The following TMEM131L variants were observed in gnomAD, a reference collection of about 807,000 sequenced individuals.
TMEM131L encodes the protein transmembrane protein 131-like.
A neutral mutation model predicts 192.2 loss-of-function variants in TMEM131L; 54 were observed. The observed-to-expected ratio is 0.28, with a 90% CI of 0.23 to 0.35. TMEM131L has a LOEUF of 0.35. Ranked by LOEUF, TMEM131L falls within the 10% of genes least tolerant of loss-of-function variation. The pLI, the probability that TMEM131L is intolerant of heterozygous loss-of-function variation, is 1.00. For synonymous variants in TMEM131L, 701 were observed against 704.9 expected (o/e 0.99, Z 0.09); for missense variants, 1,888 against 1,972.9 (o/e 0.96, Z 0.82).
chr4:153,586,616 T>C (rs764412366), intron 14 of TMEM131L, among the ~76,000 whole-genome samples: 1 of 152,210 alleles, frequency 6.6e-6, no homozygotes, highest in South Asian at 2.1e-4. Context: ...AAATAAGGCA[T>C]GACCAATAGA....
At chr4:153,586,407 T>TAAC (rs747125172) in intron 14 of TMEM131L, 28 bp downstream of exon 14, 1 of 1,508,446 alleles carries the variant, frequency 6.6e-7, no homozygotes, top group South Asian at 1.3e-5. Flanking sequence ...ATATGTGTGT[T>TAAC]ACAGTTTTCT....
rs1054941206 is a variant in TMEM131L at position 153,506,564 on chromosome 4, C to T, written c.239+32676C>T. The stretch of plus-strand genomic sequence containing the variant: ...AATGACTGATACTAAGTATTTACGC[C>T]GGGTGCGGTGGCTCATGCCTGTAAT... On this transcript the variant is annotated intron_variant, in intron 3 of 34. Coordinates refer to ENST00000409959, the MANE Select transcript of TMEM131L (RefSeq NM_001131007.2). Among the ~76,000 whole-genome samples the T allele has an allele frequency of 8.5e-5, 13 of 152,052 alleles. 1 individual carries two copies. Among genetic ancestry groups the T allele is most frequent in the South Asian group, 4.2e-4 (2 of 4,818 alleles).
At chr4:153,575,831 G>A (rs1021600707) in intron 7 of TMEM131L, among the ~76,000 whole-genome samples, 2 of 152,188 alleles carry the variant, frequency 1.3e-5, no homozygotes, top group Non-Finnish European at 2.9e-5. Context: ...GGATGAGGGC[G>A]TGTCCTGTTG....
At chr4:153,527,168 A>G (rs1259920988) in intron 3 of TMEM131L, among the ~76,000 whole-genome samples, 1 of 152,170 alleles carries the variant, frequency 6.6e-6, no homozygotes, top group Admixed American at 6.5e-5. Flanking sequence ...TTATTCTAGC[A>G]GGTACTTGTG....
intron 9 of TMEM131L, among the ~76,000 whole-genome samples, chr4:153,582,791 T>C (rs1730450714): frequency 6.6e-6 from 1 of 152,126 alleles, no homozygotes; most frequent in Non-Finnish European, 1.5e-5. Flanking sequence ...TCTCAGGATT[T>C]TCTTCTTTCC....
intron 7 of TMEM131L, among the ~76,000 whole-genome samples, chr4:153,561,975 A>C (rs1036652609): frequency 6.6e-6 from 1 of 150,910 alleles, no homozygotes; most frequent in African/African-American, 2.4e-5. Context: ...AAAAAAAAAA[A>C]CCTCTTAAAA....
At chr4:153,634,519 C>A (rs1249687613) in intron 33 of TMEM131L, among the ~76,000 whole-genome samples, 1 of 152,160 alleles carries the variant, frequency 6.6e-6, no homozygotes, top group African/African-American at 2.4e-5. Context: ...TAACCCTAAT[C>A]CATTTAGTCC....
At chr4:153,483,652 C>T (rs1732101993) in intron 3 of TMEM131L, among the ~76,000 whole-genome samples, 1 of 152,142 alleles carries the variant, frequency 6.6e-6, no homozygotes, top group Non-Finnish European at 1.5e-5. Flanking sequence ...GTGATTTTGC[C>T]ACTGTACTCC....
intron 3 of TMEM131L, among the ~76,000 whole-genome samples, chr4:153,495,036 C>G (rs561232394): frequency 1.3e-5 from 2 of 152,162 alleles, no homozygotes; most frequent in Non-Finnish European, 2.9e-5. Flanking sequence ...GGTTTTATGG[C>G]CAGGCATGGT....
chr4:153,545,423 G>A (rs1038596477), intron 3 of TMEM131L, among the ~76,000 whole-genome samples: 6 of 151,858 alleles, frequency 4.0e-5, no homozygotes, highest in Non-Finnish European at 7.4e-5. Flanking sequence ...GAGTAGCTGG[G>A]ACTACAGGCG....
intron 14 of TMEM131L, among the ~76,000 whole-genome samples, chr4:153,587,533 G>A (rs1730778000): frequency 6.6e-6 from 1 of 152,084 alleles, no homozygotes; most frequent in African/African-American, 2.4e-5. Flanking sequence ...TGATTATTGT[G>A]CCTGCAGAAG....
intron 25 of TMEM131L, among the ~76,000 whole-genome samples, chr4:153,605,284 C>G (rs1413206256): frequency 6.6e-6 from 1 of 152,218 alleles, no homozygotes; most frequent in African/African-American, 2.4e-5. Context: ...TGGCCTCTAG[C>G]ATAAGGGCCT....
rs184010347 is a variant in TMEM131L at position 153,495,500 on chromosome 4, G to A, written c.239+21612G>A. Among the ~76,000 whole-genome samples, 82 of 152,278 alleles carry A rather than the reference G, an allele frequency of 5.4e-4. 1 individual carries two copies. The highest frequency in any genetic ancestry group is 5.4e-3 in the Admixed American group (82 of 15,298). On this transcript the variant is annotated intron_variant, in intron 3 of 34. Transcript: ENST00000409959. ...GAGGGCAGGGGCTTCCAGGTCATAG[G>A]TGGGTAAGAGAGAAAAGGTTGCATT...
At chr4:153,566,170 C>T (rs1268450676) in intron 7 of TMEM131L, among the ~76,000 whole-genome samples, 5 of 151,030 alleles carry the variant, frequency 3.3e-5, no homozygotes, top group African/African-American at 7.3e-5. Flanking sequence ...GAGTCTCACT[C>T]TGTCGCCCAG....
chr4:153,605,456 C>T (rs1732160040), intron 25 of TMEM131L, among the ~76,000 whole-genome samples: 3 of 152,266 alleles, frequency 2.0e-5, no homozygotes, highest in Non-Finnish European at 4.4e-5. Flanking sequence ...CAACCTCCAC[C>T]TCCGGGGCTC....
rs1394433570 is a variant in TMEM131L at position 153,588,979 on chromosome 4, A to G, written c.1642A>G (p.Lys548Glu). 1 of 1,592,450 alleles carries G rather than the reference A, an allele frequency of 6.3e-7. No individual in the cohort carries two copies. The highest frequency in any genetic ancestry group is 8.6e-7 in the Non-Finnish European group (1 of 1,160,566). Residue 548 changes from lysine to glutamate, a missense_variant, in exon 16 of 35, where the codon AAG becomes GAG. Physicochemically the swap from Lys to Glu is moderately conservative, Grantham distance 56 (BLOSUM62 1). Coordinates refer to ENST00000409959, the MANE Select transcript of TMEM131L (RefSeq NM_001131007.2). ...ELANKLYERW[K>E]KYKNGDVCKR... is the part of the protein sequence containing the mutation. Reference sequence around the variant, plus strand: ...TGCAAATAAATTGTATGAAAGATGGAAGAAATATAAAAATGGTGACGTCTG... The same window carrying G: ...TGCAAATAAATTGTATGAAAGATGGGAGAAATATAAAAATGGTGACGTCTG...
chr4:153,583,286 T>C (rs761030742), intron 10 of TMEM131L, 38 bp downstream of exon 10: 6 of 1,015,500 alleles, frequency 5.9e-6, no homozygotes, highest in Non-Finnish European at 9.4e-6. Flanking sequence ...CTTTTAAAAT[T>C]GCAAGTGTGC....
intron 25 of TMEM131L, among the ~76,000 whole-genome samples, chr4:153,610,003 G>A (rs1359528048): frequency 6.6e-6 from 1 of 152,114 alleles, no homozygotes; most frequent in Non-Finnish European, 1.5e-5. Context: ...TGTTTTAGAA[G>A]GAATTAAATT....
intron 3 of TMEM131L, among the ~76,000 whole-genome samples, chr4:153,515,852 T>TA (rs776073603): frequency 6.6e-6 from 1 of 152,190 alleles, no homozygotes; most frequent in Non-Finnish European, 1.5e-5. Flanking sequence ...CTCTTTTCTA[T>TA]GTGCTCATTG....
Sources: gnomAD v4.1 joint callset for allele counts (sites outside exome capture counted in the v4.1 genomes callset) on GRCh38, gnomAD v4.1.1 for gene constraint, MANE v1.5 for transcripts, NCBI Gene and HGNC (gene_info 2026-07-23, HGNC 2026-07-21) for gene names.